Variants in AHCYL2 observed in about 807,000 individuals in gnomAD.
AHCYL2 encodes the protein S-adenosylhomocysteine hydrolase-like protein 2.
AHCYL2 carries 28 observed loss-of-function variants against 81.4 expected under a neutral mutation model. That is an observed-to-expected ratio of 0.34 (90% CI 0.25 to 0.47). The LOEUF (loss-of-function observed/expected upper bound fraction) is 0.47, where lower values mean the gene tolerates loss of function less well. Ranked by LOEUF, AHCYL2 falls within the 20% of genes least tolerant of loss-of-function variation. The probability of loss-of-function intolerance (pLI) is 1.00; values close to 1 mark genes in which losing one functional copy is unlikely to be tolerated. For missense variants in AHCYL2, 551 were observed against 785.1 expected, an observed-to-expected ratio of 0.70 and a Z score of 3.56; for synonymous variants, 272 against 290.2, an observed-to-expected ratio of 0.94 and a Z score of 0.64.
chr7:129,378,582 C>T (rs1271010182), intron 1 of AHCYL2, among the ~76,000 whole-genome samples: 1 of 152,190 alleles, frequency 6.6e-6, no homozygotes, highest in Non-Finnish European at 1.5e-5. Flanking sequence ...AGCAACATTA[C>T]ACAGCTAATG....
intron 1 of AHCYL2, among the ~76,000 whole-genome samples, chr7:129,247,612 T>TTCC (rs370954501): frequency 3.3e-5 from 5 of 151,498 alleles, no homozygotes; most frequent in African/African-American, 1.2e-4. Flanking sequence ...ACTTTTTTTT[T>TTCC]CCCCCCAAGA....
chr7:129,307,510 C>T (rs1236540210), intron 1 of AHCYL2, among the ~76,000 whole-genome samples: 4 of 152,042 alleles, frequency 2.6e-5, no homozygotes, highest in East Asian at 1.9e-4. Context: ...AGTGGGCTCC[C>T]CTCTGGCTCA....
In AHCYL2 at chr7:129,318,787, A is replaced by AT. The variant is rs57502201; in HGVS notation, c.364-60839dup. On this transcript the variant is annotated intron_variant, in intron 1 of 16. Transcript: ENST00000325006. ...CAGAAGCCACAAAAGAATAGACTGTATTTTTTTTTTTTAATTTCAGTAAGT... is the reference window on the plus strand; with the variant it reads ...CAGAAGCCACAAAAGAATAGACTGTATTTTTTTTTTTTTAATTTCAGTAAGT... Among the ~76,000 whole-genome samples, 664 of 147,596 alleles carry AT rather than the reference A, an allele frequency of 4.5e-3. 2 individuals carry two copies. The highest frequency in any genetic ancestry group is 0.013 in the African/African-American group (522 of 40,538).
intron 1 of AHCYL2, among the ~76,000 whole-genome samples, chr7:129,321,749 T>TG (rs1357582537): frequency 2.1e-5 from 3 of 146,274 alleles, no homozygotes; most frequent in East Asian, 2.0e-4. Flanking sequence ...CTTTGTTTTT[T>TG]TTTTTTTTTT....
chr7:129,240,229 A>AAGAG (rs71162577), intron 1 of AHCYL2, among the ~76,000 whole-genome samples: 6,119 of 151,210 alleles, frequency 0.04, 178 homozygotes, highest in African/African-American at 0.065. Context: ...AAAAAAAAAA[A>AAGAG]AGAATCCCAT....
chr7:129,226,401 A>G (rs1436622605), intron 1 of AHCYL2, among the ~76,000 whole-genome samples: 1 of 152,242 alleles, frequency 6.6e-6, no homozygotes, highest in Non-Finnish European at 1.5e-5. Flanking sequence ...AAACAGGGCA[A>G]GTATTGGAAA....
At chr7:129,395,151 C>T (rs1795665824) in intron 4 of AHCYL2, among the ~76,000 whole-genome samples, 1 of 152,190 alleles carries the variant, frequency 6.6e-6, no homozygotes. Context: ...CTGCTATAAC[C>T]TTGTGATTTG....
intron 1 of AHCYL2, among the ~76,000 whole-genome samples, chr7:129,226,867 C>T (rs1002286215): frequency 6.6e-6 from 1 of 152,200 alleles, no homozygotes; most frequent in Non-Finnish European, 1.5e-5. Context: ...CTGGGAGTAC[C>T]TAGATCTGAG....
At chr7:129,395,747 CT>C (rs1795700139) in intron 4 of AHCYL2, among the ~76,000 whole-genome samples, 1 of 152,164 alleles carries the variant, frequency 6.6e-6, no homozygotes. Flanking sequence ...CTGCCCCAGT[CT>C]TTGTTTTGAG....
intron 12 of AHCYL2, among the ~76,000 whole-genome samples, chr7:129,415,703 C>T (rs1796811449): frequency 6.6e-6 from 1 of 151,914 alleles, no homozygotes; most frequent in African/African-American, 2.4e-5. Context: ...GTAATCCCAG[C>T]ACTTTGGGAG....
intron 1 of AHCYL2, among the ~76,000 whole-genome samples, chr7:129,365,466 T>C (rs867074486): frequency 1.3e-5 from 2 of 151,942 alleles, no homozygotes; most frequent in African/African-American, 4.8e-5. Flanking sequence ...ATTTCCACCA[T>C]ACAAATTGGA....
chr7:129,226,258 G>C (rs1411475442), intron 1 of AHCYL2, among the ~76,000 whole-genome samples: 1 of 152,170 alleles, frequency 6.6e-6, no homozygotes, highest in East Asian at 1.9e-4. Flanking sequence ...GTTTTGAGGA[G>C]GTCTCAGAAT....
At chr7:129,383,516 A>C (rs1039931807) in intron 2 of AHCYL2, among the ~76,000 whole-genome samples, 1 of 151,984 alleles carries the variant, frequency 6.6e-6, no homozygotes, top group Non-Finnish European at 1.5e-5. Flanking sequence ...TTCCAACCTT[A>C]CCCATCTTCA....
chr7:129,246,062 GT>G (rs71162581), intron 1 of AHCYL2, among the ~76,000 whole-genome samples: 263 of 140,698 alleles, frequency 1.9e-3, no homozygotes, highest in South Asian at 0.015. Context: ...TGTTGGATTT[GT>G]TTTTTTTTTT....
intron 1 of AHCYL2, among the ~76,000 whole-genome samples, chr7:129,367,509 G>A (rs892490177): frequency 1.3e-5 from 2 of 152,198 alleles, no homozygotes; most frequent in African/African-American, 4.8e-5. Flanking sequence ...CAACTTCGGA[G>A]GTCCTTTAAG....
intron 1 of AHCYL2, among the ~76,000 whole-genome samples, chr7:129,227,175 T>G (rs1287290300): frequency 1.3e-5 from 2 of 152,198 alleles, no homozygotes; most frequent in Non-Finnish European, 2.9e-5. Flanking sequence ...TGTAAAAGGT[T>G]TAGCATTGAG....
chr7:129,332,198 G>A (rs2150804605), intron 1 of AHCYL2, among the ~76,000 whole-genome samples: 1 of 152,118 alleles, frequency 6.6e-6, no homozygotes, highest in East Asian at 1.9e-4. Flanking sequence ...GTTAATTTTT[G>A]TCTCTTCTTT....
chr7:129,281,640 G>T (rs1447676203), intron 1 of AHCYL2, among the ~76,000 whole-genome samples: 1 of 151,800 alleles, frequency 6.6e-6, no homozygotes, highest in African/African-American at 2.4e-5. Context: ...GGGACTACAT[G>T]CCTGGCACCA....
chr7:129,257,864 T>C (rs1297414987), intron 1 of AHCYL2, among the ~76,000 whole-genome samples: 2 of 152,330 alleles, frequency 1.3e-5, no homozygotes, highest in African/African-American at 4.8e-5. Context: ...GAATGAGATA[T>C]GTAACACAAT....
Sources: allele counts gnomAD v4.1 joint callset (sites outside exome capture counted in the v4.1 genomes callset), GRCh38; gene constraint gnomAD v4.1.1; transcripts MANE v1.5; gene names NCBI Gene and HGNC (gene_info 2026-07-23, HGNC 2026-07-21).